Variants in NKD2 observed in about 807,000 individuals in gnomAD.
The protein encoded by NKD2 is NKD inhibitor of Wnt signaling pathway 2.
NKD2 carries 43 observed loss-of-function variants against 34.8 expected under a neutral mutation model. The observed-to-expected ratio is 1.24, with a 90% CI of 0.97 to 1.60. NKD2 has a LOEUF of 1.60. Among genes scored for constraint, NKD2 ranks in the 40% most tolerant of loss-of-function variants. The pLI is 0.00. For synonymous variants in NKD2, 278 were observed against 265.1 expected (o/e 1.05, Z -0.47); for missense variants, 675 against 627.1 (o/e 1.08, Z -0.82).
rs1755656096 is a variant in NKD2 at position 1,009,378 on chromosome 5, C to T, written c.62-103C>T. 1.0e-6 allele frequency: 1 copy of T among 966,874 alleles called. No homozygotes were observed. Among genetic ancestry groups the T allele is most frequent in the Non-Finnish European group, 1.5e-6 (1 of 679,956 alleles). 59.9% of individuals were successfully genotyped at this position (966,874 alleles called of 1,614,324 possible). Reference sequence around the variant, plus strand: ...CCCACGCCTGCCCCTGCGCGGTCTCCAGGCGATGGGGACACAGCGAAGGCG... The same window carrying T: ...CCCACGCCTGCCCCTGCGCGGTCTCTAGGCGATGGGGACACAGCGAAGGCG... On this transcript the variant is annotated intron_variant, in intron 2 of 9. Coordinates refer to ENST00000296849, the MANE Select transcript of NKD2 (RefSeq NM_033120.4). This position sits in a 1 kb window ranked among gnomAD's most constrained non-coding sequence, Gnocchi z 6.9.
Position 1,009,805 on chromosome 5 carries a change from C to G in NKD2, c.141+245C>G, listed in dbSNP as rs1206746804. On this transcript the variant is annotated intron_variant, in intron 3 of 9. Transcript: ENST00000296849. This position sits in a 1 kb window ranked among gnomAD's most constrained non-coding sequence, Gnocchi z 6.9. ...GGGTAGGGGAATCGGAATTCCTTGT[C>G]CTAGGCTGGGAGCCGTGTGGGGGCT... Among the ~76,000 whole-genome samples the G allele has an allele frequency of 6.6e-6, 1 of 152,038 alleles. No individual in the cohort carries two copies. Among genetic ancestry groups the G allele is most frequent in the Admixed American group, 6.5e-5 (1 of 15,280 alleles).
chr5:1,009,154 C>G lies in NKD2; in HGVS notation c.26-25C>G, dbSNP rs1043996553. ...GGCCGCCTCTCACTGTCGTTTTCCT[C>G]TCCCCGCGTCCCGCCGTGCCGCAGC... On this transcript the variant is annotated intron_variant, in intron 1 of 9. Coordinates refer to ENST00000296849, the MANE Select transcript of NKD2 (RefSeq NM_033120.4). This position sits in a 1 kb window ranked among gnomAD's most constrained non-coding sequence, Gnocchi z 6.9. The G allele has an allele frequency of 7.2e-6, 4 of 554,790 alleles. No homozygotes were observed. Among genetic ancestry groups the G allele is most frequent in the Non-Finnish European group, 1.3e-5 (4 of 309,528 alleles). The allele number at this position is 554,790 out of a possible 1,614,324, so 34.4% of individuals were successfully genotyped here. A position where few individuals can be genotyped will look rare whatever the true frequency, so the allele number is the denominator to read the frequency against.
At chr5:1,018,557 A>C (rs1429140353) in intron 3 of NKD2, among the ~76,000 whole-genome samples, 5 of 150,462 alleles carry the variant, frequency 3.3e-5, no homozygotes, top group Non-Finnish European at 7.4e-5. Context: ...GACTGGTCAC[A>C]GTCAGGGCGA....
rs369227575 is a variant in NKD2, at chr5:1,034,333, A to G, written c.426+3A>G. On this transcript the variant is annotated splice_donor_region_variant and intron_variant, in intron 6 of 9. Transcript: ENST00000296849. ...ACTGCGGGAAGGTCACCAGGGAGGT[A>G]GGTGAGCTTGTGTTTGCGTCAGGTC... 1.4e-5 allele frequency: 22 copies of G among 1,609,828 alleles called. No homozygotes were observed. The African/African-American group carries it at 2.5e-4, about 19-fold the overall frequency.
At chr5:1,026,869 C>T (rs1426620209) in intron 3 of NKD2, among the ~76,000 whole-genome samples, 1 of 152,206 alleles carries the variant, frequency 6.6e-6, no homozygotes, top group Non-Finnish European at 1.5e-5. Flanking sequence ...GTGGCTGCAG[C>T]CTAAGCTTGG....
intron 3 of NKD2, among the ~76,000 whole-genome samples, chr5:1,025,915 G>A (rs1195281874): frequency 1.1e-4 from 12 of 108,338 alleles, no homozygotes; most frequent in South Asian, 3.1e-4. Flanking sequence ...CTCTGTGGGC[G>A]TCCCAGCCCA....
At position 1,032,224 on chromosome 5, in the gene NKD2, T is replaced by C; in HGVS notation, c.202+12T>C. ...GTGTCCCCTACAGGGTGAGTGCAGC[T>C]CCCGCAGCCCTCCCTCCCCAAACTC... is the stretch of plus-strand genomic sequence containing the variant. On this transcript the variant is annotated intron_variant, in intron 4 of 9. Transcript: ENST00000296849. 6.2e-7 allele frequency: 1 copy of C among 1,601,556 alleles called. No homozygotes were observed. The highest frequency in any genetic ancestry group is 8.5e-7 in the Non-Finnish European group (1 of 1,171,732).
intron 3 of NKD2, among the ~76,000 whole-genome samples, chr5:1,015,741 C>T (rs906694110): frequency 1.3e-5 from 2 of 152,196 alleles, no homozygotes; most frequent in South Asian, 2.1e-4. Flanking sequence ...GACTGCAGAT[C>T]GGCCTGTCCA....
At chr5:1,028,568 C>T (rs10045604) in intron 3 of NKD2, among the ~76,000 whole-genome samples, 66,186 of 151,886 alleles carry the variant, frequency 0.44, 14,894 homozygotes, top group East Asian at 0.59. Context: ...AGGAGGATGC[C>T]ATGGGCGGGA....
chr5:1,016,160 C>G (rs1420917070), intron 3 of NKD2, among the ~76,000 whole-genome samples: 2 of 152,240 alleles, frequency 1.3e-5, no homozygotes, highest in African/African-American at 4.8e-5. Flanking sequence ...CCTGGAGGGA[C>G]ACACGGTGCT....
rs376213343 is a variant in NKD2, at chr5:1,035,363, G to A, written c.575-26G>A. 2.0e-5 allele frequency: 31 copies of A among 1,533,358 alleles called. No homozygotes were observed. In the Admixed American group the frequency reaches 2.7e-4, roughly 14 times the overall value. 95.0% of individuals were successfully genotyped at this position (1,533,358 alleles called of 1,614,324 possible). The stretch of plus-strand genomic sequence containing the variant: ...ATGCTGAATGAAGGAGGGAGGGAGT[G>A]AGTAATGGCAGGACCCCCCTTTCAG... On this transcript the variant is annotated intron_variant, in intron 7 of 9. Transcript: ENST00000296849.
At position 1,038,503 on chromosome 5, in the gene NKD2, C is replaced by T. The variant is rs372411692; in HGVS notation, c.*130C>T. On this transcript the variant is annotated 3_prime_UTR_variant, in exon 10 of 10. Transcript: ENST00000296849. This position sits in a 1 kb window ranked among gnomAD's most constrained non-coding sequence, Gnocchi z 4.5. ...ACCCCCCACCTCCGACAGCAAACAG[C>T]AACTGACTGCAGGTGCTGGCATGAT... is the stretch of plus-strand genomic sequence containing the variant. 6.6e-6 allele frequency: 10 copies of T among 1,515,744 alleles called. No homozygotes were observed. The East Asian group carries it at 7.4e-5, about 11-fold the overall frequency. The allele number at this position is 1,515,744 out of a possible 1,614,324, so 93.9% of individuals were successfully genotyped here. A position where few individuals can be genotyped will look rare whatever the true frequency, so the allele number is the denominator to read the frequency against.
chr5:1,011,738 A>T (rs963929825), intron 3 of NKD2, among the ~76,000 whole-genome samples: 2 of 152,246 alleles, frequency 1.3e-5, no homozygotes, highest in African/African-American at 4.8e-5. Flanking sequence ...ATTGGCTATT[A>T]TTAATTCCCT....
At position 1,026,032 on chromosome 5, in the gene NKD2, T is replaced by TA. The variant is rs368488040; in HGVS notation, c.142-6120_142-6119insA. Among the ~76,000 whole-genome samples the TA allele has an allele frequency of 3.6e-3, 42 of 11,584 alleles. 5 individuals carry two copies. Among genetic ancestry groups the TA allele is most frequent in the Non-Finnish European group, 0.016 (29 of 1,802 alleles). The allele number at this position is 11,584 out of a possible 152,430, so 7.6% of individuals were successfully genotyped here. A position where few individuals can be genotyped will look rare whatever the true frequency, so the allele number is the denominator to read the frequency against. On this transcript the variant is annotated intron_variant, in intron 3 of 9. Transcript: ENST00000296849. ...CATTGTCCCTGCTCTTCCCACCCTC[T>TA]GTGGGCGTCCCAGCCCATTGTCCCT... is the stretch of plus-strand genomic sequence containing the variant.
At chr5:1,011,034 G>A (rs6869901) in intron 3 of NKD2, among the ~76,000 whole-genome samples, 18,253 of 152,252 alleles carry the variant, frequency 0.12, 1,253 homozygotes, top group African/African-American at 0.18. Flanking sequence ...AGGGCTGCTC[G>A]TGGGCGTTTA....
At chr5:1,028,188 G>T (rs530986857) in intron 3 of NKD2, among the ~76,000 whole-genome samples, 34 of 152,330 alleles carry the variant, frequency 2.2e-4, no homozygotes, top group African/African-American at 7.9e-4. Context: ...GCCTGTGGCG[G>T]GGATCAGATG....
chr5:1,038,567 C>T lies in NKD2; in HGVS notation c.*194C>T, dbSNP rs370727382. The T allele has an allele frequency of 1.1e-4, 121 of 1,148,752 alleles. No individual in the cohort carries two copies. The East Asian group carries it at 1.1e-3, about 10-fold the overall frequency. 71.2% of individuals were successfully genotyped at this position (1,148,752 alleles called of 1,614,324 possible). ...CTTGGACACGTGGACAAGGCCCAGG[C>T]GCCCTCTGCTCTTCTGCCCTCGATG... On this transcript the variant is annotated 3_prime_UTR_variant, in exon 10 of 10. Coordinates refer to ENST00000296849, the MANE Select transcript of NKD2 (RefSeq NM_033120.4). The surrounding 1 kb of genome is among the most constrained non-coding windows in gnomAD (Gnocchi z 4.5).
intron 3 of NKD2, among the ~76,000 whole-genome samples, chr5:1,010,051 G>A (rs12173005): frequency 0.12 from 18,272 of 152,178 alleles, 1,251 homozygotes; most frequent in African/African-American, 0.18. Context: ...CCCATCTCTG[G>A]GAGGGGTGAC....
At chr5:1,010,809 GC>G (rs1216370764) in intron 3 of NKD2, among the ~76,000 whole-genome samples, 1 of 152,206 alleles carries the variant, frequency 6.6e-6, no homozygotes, top group African/African-American at 2.4e-5. Flanking sequence ...CCTGGGGTGG[GC>G]GGGCGTTCAC....
Sources: gnomAD v4.1 joint callset for allele counts (sites outside exome capture counted in the v4.1 genomes callset) on GRCh38, gnomAD v4.1.1 for gene constraint, Gnocchi (gnomAD v3.1) non-coding constraint, MANE v1.5 for transcripts, NCBI Gene and HGNC (gene_info 2026-07-23, HGNC 2026-07-21) for gene names.